MDGA2: variants seen among roughly 807,000 people sequenced by gnomAD.
The protein encoded by MDGA2 is MAM domain containing glycosylphosphatidylinositol anchor 2.
MDGA2 carries 40 observed loss-of-function variants against 117.8 expected under a neutral mutation model. The ratio of observed to expected loss-of-function variants is 0.34; its 90% confidence interval spans 0.26 to 0.44. MDGA2 has a LOEUF of 0.44. Ranked by LOEUF, MDGA2 falls within the 20% of genes least tolerant of loss-of-function variation. MDGA2 has a pLI of 1.00. For synonymous variants in MDGA2, 452 were observed against 439.0 expected, an observed-to-expected ratio of 1.03 and a Z score of -0.37; for missense variants, 1,123 against 1,250.6, an observed-to-expected ratio of 0.90 and a Z score of 1.54.
intron 1 of MDGA2, among the ~76,000 whole-genome samples, chr14:47,412,274 A>C (rs1252511681): frequency 6.6e-6 from 1 of 152,102 alleles, no homozygotes; most frequent in Admixed American, 6.6e-5. Flanking sequence ...GAAATAAAAA[A>C]ATTATTTCCT....
At chr14:47,593,958 G>A (rs886597507) in intron 1 of MDGA2, among the ~76,000 whole-genome samples, 11 of 152,114 alleles carry the variant, frequency 7.2e-5, no homozygotes, top group Non-Finnish European at 1.3e-4. Flanking sequence ...AATATTTCTT[G>A]CAGAGAGATT....
At chr14:47,240,248 G>A (rs1280831003) in intron 2 of MDGA2, among the ~76,000 whole-genome samples, 2 of 151,716 alleles carry the variant, frequency 1.3e-5, no homozygotes, top group African/African-American at 4.8e-5. Context: ...GTTTCACCAT[G>A]TTGGTCAGGC....
In MDGA2 at chr14:47,547,063, C is replaced by A. The variant is rs1895477245; in HGVS notation, c.280+127454G>T. Reference sequence around the variant, plus strand: ...TTTTCCTGAAGCATGTTATTTAGGCCCATTCAGTTTTTAATGAGGGTGTCT... The same window carrying A: ...TTTTCCTGAAGCATGTTATTTAGGCACATTCAGTTTTTAATGAGGGTGTCT... On this transcript the variant is annotated intron_variant, in intron 1 of 16. Transcript: ENST00000399232. Among the ~76,000 whole-genome samples the A allele has an allele frequency of 1.3e-5, 2 of 151,968 alleles. 1 individual carries two copies. Among genetic ancestry groups the A allele is most frequent in the South Asian group, 4.1e-4 (2 of 4,830 alleles).
At chr14:46,858,648 C>T (rs1237996324) in intron 14 of MDGA2, among the ~76,000 whole-genome samples, 2 of 151,940 alleles carry the variant, frequency 1.3e-5, no homozygotes, top group Admixed American at 6.6e-5. Context: ...AGAATGGTCT[C>T]GATCTCCCGA....
At chr14:47,186,120 C>A (rs950477653) in intron 3 of MDGA2, among the ~76,000 whole-genome samples, 1 of 151,248 alleles carries the variant, frequency 6.6e-6, no homozygotes, top group Admixed American at 6.6e-5. Context: ...AAAATAAATT[C>A]AAAACTATTA....
At chr14:47,308,467 T>C (rs1889528193) in intron 1 of MDGA2, among the ~76,000 whole-genome samples, 1 of 150,780 alleles carries the variant, frequency 6.6e-6, no homozygotes, top group Non-Finnish European at 1.5e-5. Context: ...AAAAGGCCAC[T>C]TTCTTTCTTT....
At chr14:47,574,212 G>A (rs1259883558) in intron 1 of MDGA2, among the ~76,000 whole-genome samples, 1 of 152,140 alleles carries the variant, frequency 6.6e-6, no homozygotes, top group Non-Finnish European at 1.5e-5. Flanking sequence ...TGTCCTTGCT[G>A]AAGATCAGCA....
intron 9 of MDGA2, among the ~76,000 whole-genome samples, chr14:46,942,939 TA>T (rs1481479568): frequency 1.3e-5 from 2 of 152,120 alleles, no homozygotes; most frequent in Admixed American, 6.6e-5. Context: ...TAAAATCTTC[TA>T]AAATATTAGT....
intron 8 of MDGA2, among the ~76,000 whole-genome samples, chr14:46,978,821 T>A (rs895986964): frequency 1.3e-5 from 2 of 152,188 alleles, no homozygotes; most frequent in Admixed American, 6.5e-5. Context: ...TTCAGTATTA[T>A]GGTAACTACA....
rs527877236 is a variant in MDGA2 at position 47,449,559 on chromosome 14, T to C, written c.281-148009A>G. Among the ~76,000 whole-genome samples, 7 of 152,226 alleles carry C rather than the reference T, an allele frequency of 4.6e-5. No individual in the cohort carries two copies. In the East Asian group the frequency reaches 1.4e-3, roughly 29 times the overall value. ...ATTTACCTTCTTAAATTACATAGAT[T>C]TGACAGACAGTTAAACACACTTAAG... On this transcript the variant is annotated intron_variant, in intron 1 of 16. Coordinates refer to ENST00000399232, the MANE Select transcript of MDGA2 (RefSeq NM_001113498.3).
intron 1 of MDGA2, among the ~76,000 whole-genome samples, chr14:47,323,965 G>A (rs930569610): frequency 1.1e-4 from 17 of 151,948 alleles, no homozygotes; most frequent in Non-Finnish European, 2.4e-4. Context: ...CTCTGAGTGG[G>A]CCAGGCGTGG....
chr14:46,892,530 C>T (rs1322060670), intron 10 of MDGA2, among the ~76,000 whole-genome samples: 1 of 151,876 alleles, frequency 6.6e-6, no homozygotes, highest in African/African-American at 2.4e-5. Flanking sequence ...TAAAAAGCTT[C>T]AGTACAACAA....
intron 8 of MDGA2, among the ~76,000 whole-genome samples, chr14:47,018,733 GAAAAAAAAAAAAAA>G (rs60442845): frequency 2.8e-4 from 11 of 38,662 alleles, no homozygotes; most frequent in South Asian, 7.3e-4. Context: ...CCATTTTACT[GAAAAAAAAAAAAAA>G]AAAAAAAAAA....
intron 15 of MDGA2, among the ~76,000 whole-genome samples, chr14:46,846,796 A>G (rs1032145011): frequency 8.5e-5 from 13 of 152,100 alleles, no homozygotes; most frequent in African/African-American, 3.1e-4. Context: ...AAATATTTAC[A>G]TGTTAAAAGG....
At chr14:46,860,699 A>T (rs1461894656) in intron 14 of MDGA2, among the ~76,000 whole-genome samples, 1 of 151,168 alleles carries the variant, frequency 6.6e-6, no homozygotes, top group Non-Finnish European at 1.5e-5. Context: ...TTATTCTGCT[A>T]TTATACTATT....
chr14:47,266,814 TTA>T (rs1347438440), intron 2 of MDGA2, among the ~76,000 whole-genome samples: 1 of 152,180 alleles, frequency 6.6e-6, no homozygotes, highest in Non-Finnish European at 1.5e-5. Flanking sequence ...ATTTGATTAA[TTA>T]TTCAACTTTC....
intron 1 of MDGA2, among the ~76,000 whole-genome samples, chr14:47,516,788 C>A (rs1399639801): frequency 6.6e-6 from 1 of 152,130 alleles, no homozygotes; most frequent in Non-Finnish European, 1.5e-5. Context: ...TTAGAAAAAT[C>A]TTATTTTGCA....
chr14:47,394,937 G>C (rs1004679246), intron 1 of MDGA2, among the ~76,000 whole-genome samples: 1 of 152,156 alleles, frequency 6.6e-6, no homozygotes, highest in African/African-American at 2.4e-5. Context: ...AAGATTACTT[G>C]AGGGCAGGAG....
At chr14:46,958,709 T>G (rs925842212) in intron 8 of MDGA2, among the ~76,000 whole-genome samples, 1 of 152,244 alleles carries the variant, frequency 6.6e-6, no homozygotes, top group Non-Finnish European at 1.5e-5. Context: ...CACCTGTCAA[T>G]TACATCCAGA....
Sources: gnomAD v4.1 joint callset for allele counts (sites outside exome capture counted in the v4.1 genomes callset) on GRCh38, gnomAD v4.1.1 for gene constraint, MANE v1.5 for transcripts, NCBI Gene and HGNC (gene_info 2026-07-23, HGNC 2026-07-21) for gene names.